The following MROH2B variants were observed in gnomAD, a reference collection of about 807,000 sequenced individuals.
MROH2B encodes maestro heat like repeat family member 2B, also known as maestro heat-like repeat-containing protein family member 2B.
In MROH2B, 177 loss-of-function variants were observed where a neutral mutation model predicts 208.6. The observed-to-expected ratio is 0.85, with a 90% confidence interval of 0.75 to 0.96. The LOEUF (loss-of-function observed/expected upper bound fraction) is 0.96, where lower values mean the gene tolerates loss of function less well. MROH2B is among the 40% of genes least tolerant of loss of function. The probability of loss-of-function intolerance (pLI) is 0.00; values close to 1 mark genes in which losing one functional copy is unlikely to be tolerated. For synonymous variants in MROH2B, 728 were observed against 659.0 expected, an observed-to-expected ratio of 1.10 and a Z score of -1.60; for missense variants, 2,002 against 1,878.7, an observed-to-expected ratio of 1.07 and a Z score of -1.21.
Position 41,009,420 on chromosome 5 carries a change from G to C in MROH2B, c.3294-14C>G. On this transcript the variant is annotated splice_polypyrimidine_tract_variant and intron_variant, in intron 31 of 41. Transcript: ENST00000399564. ...GTCTTTGTGTCCCTAGGGTGGCAAAGCAGGAAATTGGTAGATAAGGCACAA... is the reference window on the plus strand; with the variant it reads ...GTCTTTGTGTCCCTAGGGTGGCAAACCAGGAAATTGGTAGATAAGGCACAA... 2.5e-6 allele frequency: 4 copies of C among 1,612,218 alleles called. No individual in the cohort carries two copies. The highest frequency in any genetic ancestry group is 3.4e-6 in the Non-Finnish European group (4 of 1,179,012).
chr5:41,020,315 T>C (rs1393934302), intron 24 of MROH2B, among the ~76,000 whole-genome samples: 4 of 152,232 alleles, frequency 2.6e-5, no homozygotes, highest in African/African-American at 9.6e-5. Context: ...ACTTGCATTG[T>C]ATTTCTACTT....
chr5:41,029,297 T>C (rs1032830492), intron 24 of MROH2B, among the ~76,000 whole-genome samples: 1 of 152,314 alleles, frequency 6.6e-6, no homozygotes, highest in East Asian at 1.9e-4. Flanking sequence ...CTCTGGTCCT[T>C]TGTCCATTTT....
At position 41,036,145 on chromosome 5, in the gene MROH2B, C is replaced by T. The variant is rs549335576; in HGVS notation, c.2215-2281G>A. On this transcript the variant is annotated intron_variant, in intron 21 of 41. Coordinates refer to ENST00000399564, the MANE Select transcript of MROH2B (RefSeq NM_173489.5). ...TATTATATATACACACACACACACACACACACACCCCACATTTATACATAG... is the reference window on the plus strand; with the variant it reads ...TATTATATATACACACACACACACATACACACACCCCACATTTATACATAG... 3.9e-5 allele frequency among the ~76,000 whole-genome samples: 6 copies of T among 152,094 alleles called. No individual in the cohort carries two copies. The East Asian group carries it at 1.2e-3, about 29-fold the overall frequency.
Position 41,055,728 on chromosome 5 carries a change from A to AC in MROH2B, c.1033+13dup, listed in dbSNP as rs1561303499. On this transcript the variant is annotated intron_variant, in intron 10 of 41. Transcript: ENST00000399564. ...CATGAAATAAACCATGTTGGCTTCA[A>AC]CCCTCTTGCTTACCATCAGCATTGA... 1.2e-6 allele frequency: 2 copies of AC among 1,601,036 alleles called. No individual in the cohort carries two copies. The highest frequency in any genetic ancestry group is 1.7e-6 in the Non-Finnish European group (2 of 1,168,332).
chr5:41,014,416 A>G (rs2111850698), intron 29 of MROH2B, among the ~76,000 whole-genome samples: 1 of 152,268 alleles, frequency 6.6e-6, no homozygotes, highest in East Asian at 1.9e-4. Context: ...GAAGGGGAAC[A>G]TCACACACCA....
chr5:41,055,975 G>A (rs1579954338), intron 9 of MROH2B, 120 bp from the exon 10 acceptor site: 2 of 698,026 alleles, frequency 2.9e-6, no homozygotes, highest in East Asian at 5.2e-5. Context: ...TTGGTAATTT[G>A]ATTTTATTAC....
chr5:41,069,821 C>T, intron 1 of MROH2B, 69 bp from the exon 2 acceptor site: 5 of 1,176,850 alleles, frequency 4.2e-6, no homozygotes, highest in Non-Finnish European at 6.2e-6. Context: ...ATTTTGTAAT[C>T]AACACAGAAA....
At chr5:41,034,077 G>A (rs1742674232) in intron 21 of MROH2B, 1 of 984,796 alleles carries the variant, frequency 1.0e-6, no homozygotes, top group Non-Finnish European at 1.2e-6. Context: ...TTTCCCCCAG[G>A]TAAGTCATGA....
Position 41,052,580 on chromosome 5 carries a change from T to G in MROH2B, c.1115A>C (p.Asn372Thr). ...VMGDLSTKVR[N>T]SVLLLIQTMC... is the part of the protein sequence containing the mutation. ...GGTTTGGATGAGGAGAAGAACAGAATTTCTTACCTAGGGTAAGAACAATGC... is the reference window on the plus strand; with the variant it reads ...GGTTTGGATGAGGAGAAGAACAGAAGTTCTTACCTAGGGTAAGAACAATGC... The change falls in exon 12 of 42, where the codon AAT becomes ACT. Residue 372 changes from asparagine (N) to threonine (T), a missense_variant. Coordinates refer to ENST00000399564, the MANE Select transcript of MROH2B (RefSeq NM_173489.5). The G allele has an allele frequency of 6.2e-7, 1 of 1,611,042 alleles. No individual in the cohort carries two copies. Among genetic ancestry groups the G allele is most frequent in the Non-Finnish European group, 8.5e-7 (1 of 1,178,276 alleles).
At chr5:41,020,842 T>C (rs1023524301) in intron 24 of MROH2B, among the ~76,000 whole-genome samples, 1 of 152,216 alleles carries the variant, frequency 6.6e-6, no homozygotes, top group African/African-American at 2.4e-5. Flanking sequence ...TAACATTATA[T>C]TCAATGGTGA....
At chr5:41,054,927 G>T in intron 10 of MROH2B, 87 bp from the exon 11 acceptor site, 1 of 854,856 alleles carries the variant, frequency 1.2e-6, no homozygotes, top group East Asian at 2.9e-5. Flanking sequence ...TAGAATTATG[G>T]CACATAATTG....
chr5:41,050,359 T>C (rs142083003), intron 13 of MROH2B, among the ~76,000 whole-genome samples: 80 of 152,324 alleles, frequency 5.3e-4, no homozygotes, highest in East Asian at 4.2e-3. Context: ...TCAGAAATAT[T>C]GGAACTTAGT....
intron 34 of MROH2B, among the ~76,000 whole-genome samples, chr5:41,006,032 CA>C (rs5867531): frequency 5.7e-4 from 74 of 129,854 alleles, no homozygotes; most frequent in Non-Finnish European, 6.4e-4. Flanking sequence ...ATTCTGTCTC[CA>C]AAAAAAAAAA....
Position 41,004,904 on chromosome 5 carries a change from A to G in MROH2B, c.3881T>C (p.Ile1294Thr). The change falls in exon 36 of 42, where the codon ATC (isoleucine) becomes ACC (threonine). Residue 1294 changes from isoleucine (I) to threonine (T), a missense_variant. By Grantham distance (89) the Ile-to-Thr change is moderately conservative. Coordinates refer to ENST00000399564, the MANE Select transcript of MROH2B (RefSeq NM_173489.5). ...AFFSELMKEP[I>T]LWKHGNLRNV... ...TCGCAGATTCCCATGCTTCCAAAGG[A>G]TTGGTTCCTTCATGAGCTGAAATAA... is the stretch of plus-strand genomic sequence containing the variant. 1.2e-6 allele frequency: 2 copies of G among 1,613,870 alleles called. No individual in the cohort carries two copies. The highest frequency in any genetic ancestry group is 1.7e-6 in the Non-Finnish European group (2 of 1,179,848).
At chr5:41,041,957 T>G (rs937554093) in intron 19 of MROH2B, 135 bp downstream of exon 19, 4 of 453,192 alleles carry the variant, frequency 8.8e-6, no homozygotes, top group Admixed American at 4.0e-5. Flanking sequence ...AAAAATTCTG[T>G]TAGGCTATTC....
chr5:41,013,122 A>G (rs1741826746), intron 29 of MROH2B, among the ~76,000 whole-genome samples: 2 of 152,240 alleles, frequency 1.3e-5, no homozygotes, highest in Admixed American at 1.3e-4. Context: ...TGAATCTGCC[A>G]CATAATACCT....
At chr5:40,998,181 T>C (rs1267865531) in intron 41 of MROH2B, 23 bp from the exon 42 acceptor site, 2 of 1,578,582 alleles carry the variant, frequency 1.3e-6, no homozygotes, top group Non-Finnish European at 1.7e-6. Context: ...GAATAGCAAA[T>C]AAGTGGAGGA....
intron 3 of MROH2B, among the ~76,000 whole-genome samples, 188 bp downstream of exon 3, chr5:41,066,920 A>G (rs1743830412): frequency 6.6e-6 from 1 of 152,184 alleles, no homozygotes; most frequent in Non-Finnish European, 1.5e-5. Context: ...AATCATTCTT[A>G]TCTTTGCCTC....
chr5:41,025,609 AG>A (rs1300670776), intron 24 of MROH2B, among the ~76,000 whole-genome samples: 6 of 152,326 alleles, frequency 3.9e-5, no homozygotes, highest in African/African-American at 1.4e-4. Context: ...CAGAGGTACA[AG>A]GAGGAGCCGG....
Sources: gnomAD v4.1 joint callset for allele counts (sites outside exome capture counted in the v4.1 genomes callset) on GRCh38, gnomAD v4.1.1 for gene constraint, MANE v1.5 for transcripts, NCBI Gene and HGNC (gene_info 2026-07-23, HGNC 2026-07-21) for gene names.